The following STARD13 variants were observed in gnomAD, a reference collection of about 807,000 sequenced individuals.
STARD13 encodes the protein stAR-related lipid transfer protein 13.
STARD13 carries 62 observed loss-of-function variants against 106.4 expected under a neutral mutation model. The observed-to-expected ratio is 0.58, with a 90% CI of 0.48 to 0.72. The LOEUF is 0.72. STARD13 is among the 30% of genes least tolerant of loss of function. STARD13 has a pLI of 0.00. For missense variants in STARD13, 1,387 were observed against 1,424.0 expected (o/e 0.97, Z 0.42); for synonymous variants, 565 against 553.0 (o/e 1.02, Z -0.31).
the STARD13 span, among the ~76,000 whole-genome samples, chr13:33,528,989 T>A: frequency 0.22 from 33,021 of 151,918 alleles, 5,718 homozygotes; most frequent in African/African-American, 0.48. Context: ...GGATACTAAT[T>A]ATATTTATTC....
chr13:33,445,227 A>G, the STARD13 span, among the ~76,000 whole-genome samples: 352 of 152,340 alleles, frequency 2.3e-3, 1 homozygote, highest in African/African-American at 8.2e-3. Context: ...GTTAACCTTT[A>G]AAACCAAAAG....
the STARD13 span, among the ~76,000 whole-genome samples, chr13:33,415,002 G>T: frequency 6.6e-6 from 1 of 152,054 alleles, no homozygotes; most frequent in Non-Finnish European, 1.5e-5. Flanking sequence ...TCTGTAATTT[G>T]TTACATGGCA....
chr13:33,370,591 T>G, the STARD13 span, among the ~76,000 whole-genome samples: 1 of 151,856 alleles, frequency 6.6e-6, no homozygotes, highest in African/African-American at 2.4e-5. Flanking sequence ...TTGACATACT[T>G]TCTTTTCTTT....
At chr13:33,456,817 T>C in the STARD13 span, among the ~76,000 whole-genome samples, 1 of 152,344 alleles carries the variant, frequency 6.6e-6, no homozygotes, top group South Asian at 2.1e-4. Context: ...TGTACCTTGA[T>C]CTTGGACTTC....
chr13:33,303,625 T>C (rs542403402), intron 1 of STARD13, among the ~76,000 whole-genome samples: 1 of 152,314 alleles, frequency 6.6e-6, no homozygotes, highest in African/African-American at 2.4e-5. Flanking sequence ...TTCTGTTATA[T>C]ACTGGAATTT....
At chr13:33,572,883 T>A in the STARD13 span, among the ~76,000 whole-genome samples, 1 of 152,220 alleles carries the variant, frequency 6.6e-6, no homozygotes, top group African/African-American at 2.4e-5. Context: ...ATGAAAATAC[T>A]AGGCCAATTA....
intron 1 of STARD13, among the ~76,000 whole-genome samples, chr13:33,247,874 C>T (rs534094343): frequency 6.6e-6 from 1 of 152,072 alleles, no homozygotes; most frequent in South Asian, 2.1e-4. Flanking sequence ...GCCCAGACAC[C>T]CCAGGTTTTC....
At chr13:33,158,678 TGACTTAC>T (rs1882267339) in intron 3 of STARD13, 1 of 152,256 alleles carries the variant, frequency 6.6e-6, no homozygotes. Flanking sequence ...GCATCCATCA[TGACTTAC>T]CATAGGAGTG....
chr13:33,579,925 G>A, the STARD13 span, among the ~76,000 whole-genome samples: 1 of 152,014 alleles, frequency 6.6e-6, no homozygotes. Context: ...TGAATGTGAC[G>A]ATGTAGAGTA....
chr13:33,258,090 C>A (rs1890456471), intron 1 of STARD13, among the ~76,000 whole-genome samples: 1 of 152,158 alleles, frequency 6.6e-6, no homozygotes, highest in South Asian at 2.1e-4. Flanking sequence ...GGACAGCTCC[C>A]CTTTATCAGC....
At chr13:33,538,926 T>C in the STARD13 span, among the ~76,000 whole-genome samples, 16 of 152,104 alleles carry the variant, frequency 1.1e-4, no homozygotes, top group East Asian at 1.9e-4. Flanking sequence ...CCTGCCACCA[T>C]GCCGGACTAA....
At chr13:33,610,309 T>TTAA in the STARD13 span, among the ~76,000 whole-genome samples, 46 of 152,294 alleles carry the variant, frequency 3.0e-4, no homozygotes, top group African/African-American at 9.6e-4. Context: ...TCTTACTTAT[T>TTAA]TAAGGAGAAA....
At chr13:33,335,139 T>G (rs959348618) in intron 1 of STARD13, 1 of 152,210 alleles carries the variant, frequency 6.6e-6, no homozygotes, top group African/African-American at 2.4e-5. Flanking sequence ...ATGTTTCCTA[T>G]CCTCATTTGT....
At chr13:33,435,158 T>G in the STARD13 span, among the ~76,000 whole-genome samples, 3 of 152,146 alleles carry the variant, frequency 2.0e-5, no homozygotes, top group African/African-American at 7.2e-5. Flanking sequence ...AATTTCATAT[T>G]TGTTAGTAGG....
chr13:33,617,947 G>T, the STARD13 span, among the ~76,000 whole-genome samples: 1 of 152,164 alleles, frequency 6.6e-6, no homozygotes, highest in Non-Finnish European at 1.5e-5. Context: ...TAGAGCAGGA[G>T]GACCTCTCTG....
Position 33,126,075 on chromosome 13 carries a change from C to T in STARD13, c.2082+6G>A. ...TGGGGCAGCAGCGGGGGGGTTACAG[C>T]CCTACCTGATCGAGGCAGTTGCTGC... On this transcript the variant is annotated splice_donor_region_variant and intron_variant, in intron 7 of 13. Coordinates refer to ENST00000336934, the MANE Select transcript of STARD13 (RefSeq NM_178006.4). The T allele has an allele frequency of 6.2e-7, 1 of 1,613,440 alleles. No homozygotes were observed. Among genetic ancestry groups the T allele is most frequent in the Non-Finnish European group, 8.5e-7 (1 of 1,179,862 alleles).
the STARD13 span, among the ~76,000 whole-genome samples, chr13:33,550,547 C>T: frequency 6.6e-6 from 1 of 152,164 alleles, no homozygotes; most frequent in South Asian, 2.1e-4. Flanking sequence ...TTAGTAACCT[C>T]ATCAGTGAAT....
At chr13:33,499,935 T>TTTG in the STARD13 span, among the ~76,000 whole-genome samples, 1 of 151,738 alleles carries the variant, frequency 6.6e-6, no homozygotes, top group Non-Finnish European at 1.5e-5. Context: ...CAGCAAATTT[T>TTTG]TTGTTGTTGT....
At chr13:33,629,416 A>G in the STARD13 span, among the ~76,000 whole-genome samples, 2 of 152,216 alleles carry the variant, frequency 1.3e-5, no homozygotes, top group African/African-American at 2.4e-5. Flanking sequence ...AAGTGAATAC[A>G]ATGCTGCCAG....
Sources: gnomAD v4.1 joint callset for allele counts (sites outside exome capture counted in the v4.1 genomes callset) on GRCh38, gnomAD v4.1.1 for gene constraint, MANE v1.5 for transcripts, NCBI Gene and HGNC (gene_info 2026-07-23, HGNC 2026-07-21) for gene names.